The following ADK variants were observed in gnomAD, a reference collection of about 807,000 sequenced individuals.
ADK encodes N6,N6-dimethyladenosine kinase.
ADK carries 24 observed loss-of-function variants against 44.7 expected under a neutral mutation model. The ratio of observed to expected loss-of-function variants is 0.54; its 90% CI spans 0.39 to 0.76. ADK has a LOEUF of 0.76. ADK is among the 30% of genes least tolerant of loss of function. ADK has a pLI of 0.00. For synonymous variants in ADK, 128 were observed against 142.6 expected, an observed-to-expected ratio of 0.90 and a Z score of 0.73; for missense variants, 321 against 425.1, an observed-to-expected ratio of 0.76 and a Z score of 2.15.
chr10:74,708,633 AATG>A lies in ADK; in HGVS notation c.*192_*194del. Reference sequence around the variant, plus strand: ...TCTTTATTATCTCAACAATCTAAAAAATGATGTTTATTTCCATAGTTTGATAGT... The same window carrying A: ...TCTTTATTATCTCAACAATCTAAAAAATGTTTATTTCCATAGTTTGATAGT... On this transcript the variant is annotated 3_prime_UTR_variant, in exon 11 of 11. Transcript: ENST00000539909. The A allele has an allele frequency of 1.7e-6, 1 of 579,458 alleles. No homozygotes were observed. The highest frequency in any genetic ancestry group is 2.9e-6 in the Non-Finnish European group (1 of 349,100). The allele number at this position is 579,458 out of a possible 1,614,324, so 35.9% of individuals were successfully genotyped here. A position where few individuals can be genotyped will look rare whatever the true frequency, so the allele number is the denominator to read the frequency against.
intron 6 of ADK, among the ~76,000 whole-genome samples, chr10:74,430,947 T>C (rs1844966858): frequency 1.3e-5 from 2 of 150,626 alleles, no homozygotes; most frequent in Admixed American, 1.3e-4. Flanking sequence ...AGAAAATAGA[T>C]GGTGGTTGGG....
At chr10:74,437,966 T>G (rs904474804) in intron 6 of ADK, among the ~76,000 whole-genome samples, 2 of 152,190 alleles carry the variant, frequency 1.3e-5, no homozygotes, top group African/African-American at 4.8e-5. Context: ...TGCTCTTCAC[T>G]GTTTTCTAAG....
intron 6 of ADK, among the ~76,000 whole-genome samples, chr10:74,403,724 G>A (rs930017518): frequency 1.3e-5 from 2 of 152,100 alleles, no homozygotes; most frequent in Admixed American, 6.6e-5. Context: ...GCCCTGCTTT[G>A]GCTCACACTC....
chr10:74,682,411 G>A (rs1855637746), intron 10 of ADK, among the ~76,000 whole-genome samples: 3 of 152,218 alleles, frequency 2.0e-5, no homozygotes, highest in Middle Eastern at 3.4e-3. Flanking sequence ...CTGACCACTT[G>A]CCTGTATATT....
At chr10:74,224,967 G>A (rs1288468186) in intron 3 of ADK, among the ~76,000 whole-genome samples, 4 of 152,156 alleles carry the variant, frequency 2.6e-5, no homozygotes, top group African/African-American at 9.7e-5. Context: ...TAATTTTTGG[G>A]TCTTACTCCG....
chr10:74,369,720 G>A (rs1043193068), intron 4 of ADK, among the ~76,000 whole-genome samples: 2 of 152,122 alleles, frequency 1.3e-5, no homozygotes, highest in Non-Finnish European at 2.9e-5. Context: ...TTCTCACTAA[G>A]ATCAGGAATA....
intron 9 of ADK, among the ~76,000 whole-genome samples, chr10:74,651,816 G>A (rs1376985789): frequency 6.6e-6 from 1 of 152,134 alleles, no homozygotes; most frequent in East Asian, 1.9e-4. Context: ...AAAAGAGGTG[G>A]ATGACTGATG....
chr10:74,519,250 G>A (rs778573916), intron 6 of ADK, among the ~76,000 whole-genome samples: 1 of 151,814 alleles, frequency 6.6e-6, no homozygotes, highest in Non-Finnish European at 1.5e-5. Flanking sequence ...AAAATAAAAT[G>A]TAGTCCTACC....
At chr10:74,593,205 T>C (rs1464225766) in intron 8 of ADK, among the ~76,000 whole-genome samples, 4 of 152,198 alleles carry the variant, frequency 2.6e-5, no homozygotes, top group Non-Finnish European at 4.4e-5. Flanking sequence ...AGTGTTGTTT[T>C]TGTAGGTGCC....
intron 3 of ADK, among the ~76,000 whole-genome samples, chr10:74,257,807 G>A (rs140956086): frequency 0.013 from 1,945 of 152,144 alleles, 49 homozygotes; most frequent in African/African-American, 0.044. Flanking sequence ...GTAAATAAAC[G>A]ATTAGCAATG....
At chr10:74,363,780 A>G (rs1379249458) in intron 4 of ADK, among the ~76,000 whole-genome samples, 1 of 152,004 alleles carries the variant, frequency 6.6e-6, no homozygotes, top group East Asian at 1.9e-4. Flanking sequence ...TTATTTTCAG[A>G]CCACAGCAAG....
At chr10:74,319,600 G>T (rs1183278232) in intron 4 of ADK, among the ~76,000 whole-genome samples, 1 of 152,206 alleles carries the variant, frequency 6.6e-6, no homozygotes, top group African/African-American at 2.4e-5. Flanking sequence ...ATGCATAGTG[G>T]CAGGAGGGTC....
At chr10:74,181,245 G>C (rs1016507272) in intron 1 of ADK, among the ~76,000 whole-genome samples, 7 of 145,142 alleles carry the variant, frequency 4.8e-5, no homozygotes, top group African/African-American at 1.5e-4. Flanking sequence ...ATTTTTTTTT[G>C]GGGGGGGTCT....
rs927452394 is a variant in ADK at position 74,709,107 on chromosome 10, T to C, written c.*662T>C. The stretch of plus-strand genomic sequence containing the variant: ...CTGTAATTGGACACAAACAAAAACT[T>C]GTCATATAGGAATTTTTTTCTGTCT... On this transcript the variant is annotated 3_prime_UTR_variant, in exon 11 of 11. Transcript: ENST00000539909. 1.3e-5 allele frequency: 2 copies of C among 152,362 alleles called. No homozygotes were observed. The highest frequency in any genetic ancestry group is 2.4e-5 in the African/African-American group (1 of 41,460). 9.4% of individuals were successfully genotyped at this position (152,362 alleles called of 1,614,324 possible).
intron 3 of ADK, among the ~76,000 whole-genome samples, chr10:74,244,913 T>C (rs1439599780): frequency 6.6e-6 from 1 of 152,234 alleles, no homozygotes; most frequent in Non-Finnish European, 1.5e-5. Context: ...GAAATACACT[T>C]TTCAGTAAAG....
intron 3 of ADK, among the ~76,000 whole-genome samples, chr10:74,312,677 T>C (rs1370041572): frequency 3.4e-5 from 5 of 149,224 alleles, no homozygotes; most frequent in African/African-American, 1.2e-4. Flanking sequence ...GAGGCTGAGG[T>C]GGGAGGATCG....
chr10:74,475,827 G>A (rs1846814670), intron 6 of ADK, among the ~76,000 whole-genome samples: 1 of 151,366 alleles, frequency 6.6e-6, no homozygotes, highest in Admixed American at 6.6e-5. Flanking sequence ...GGAGGGAGAG[G>A]GAGGGAGGGA....
chr10:74,458,165 T>C (rs1846028234), intron 6 of ADK, among the ~76,000 whole-genome samples: 1 of 129,212 alleles, frequency 7.7e-6, no homozygotes, highest in African/African-American at 3.0e-5. Flanking sequence ...AAGGTCTCAC[T>C]CTGTTGCCCT....
chr10:74,210,330 G>GAAAAA (rs57852507), intron 2 of ADK, among the ~76,000 whole-genome samples: 2 of 84,884 alleles, frequency 2.4e-5, no homozygotes, highest in East Asian at 3.9e-4. Flanking sequence ...TCCATCTCAG[G>GAAAAA]AAAAAAAAAA....
Sources: gnomAD v4.1 joint callset for allele counts (sites outside exome capture counted in the v4.1 genomes callset) on GRCh38, gnomAD v4.1.1 for gene constraint, MANE v1.5 for transcripts, NCBI Gene and HGNC (gene_info 2026-07-23, HGNC 2026-07-21) for gene names.